The following VDAC1 variants were observed in gnomAD, a reference collection of about 807,000 sequenced individuals.
The protein encoded by VDAC1 is voltage dependent anion channel 1.
A neutral mutation model predicts 34.7 loss-of-function variants in VDAC1; 10 were observed. The ratio of observed to expected loss-of-function variants is 0.29; its 90% confidence interval spans 0.18 to 0.49. VDAC1 has a LOEUF of 0.49. VDAC1 is among the 20% of genes least tolerant of loss of function. The pLI, the probability that VDAC1 is intolerant of heterozygous loss-of-function variation, is 0.99. For synonymous variants in VDAC1, 130 were observed against 136.0 expected (o/e 0.96, Z 0.30); for missense variants, 230 against 347.9 (o/e 0.66, Z 2.69).
chr5:133,974,592 A>G (rs1173726465), intron 7 of VDAC1, among the ~76,000 whole-genome samples: 1 of 152,238 alleles, frequency 6.6e-6, no homozygotes, highest in Non-Finnish European at 1.5e-5. Context: ...TCCAGCTCCC[A>G]GCACTTTCCT....
upstream of VDAC1, among the ~76,000 whole-genome samples, chr5:134,006,082 T>A (rs752167144): frequency 2.6e-5 from 4 of 152,078 alleles, no homozygotes; most frequent in Non-Finnish European, 5.9e-5. Flanking sequence ...GGGCAGCTGA[T>A]ACAGAGTGGG....
At chr5:133,980,689 A>AACC in intron 6 of VDAC1, 40 bp downstream of exon 6, 26 of 564,042 alleles carry the variant, frequency 4.6e-5, no homozygotes, top group Non-Finnish European at 5.7e-5. Flanking sequence ...ACATGCTCCA[A>AACC]CCCCACCCCT....
chr5:134,065,337 ATTTTTTTTT>A, the VDAC1 span, among the ~76,000 whole-genome samples: 5 of 101,386 alleles, frequency 4.9e-5, 1 homozygote, highest in African/African-American at 1.9e-4. Flanking sequence ...TTTAATTTTA[ATTTTTTTTT>A]TTTTTTTTTT....
the VDAC1 span, among the ~76,000 whole-genome samples, chr5:134,052,184 T>C: frequency 2.6e-5 from 4 of 152,152 alleles, no homozygotes; most frequent in Non-Finnish European, 4.4e-5. Context: ...TTTCCTGGTT[T>C]TGCCCAGTTT....
At chr5:133,989,863 C>T (rs1274508628) in intron 5 of VDAC1, among the ~76,000 whole-genome samples, 4 of 152,042 alleles carry the variant, frequency 2.6e-5, no homozygotes, top group Non-Finnish European at 4.4e-5. Flanking sequence ...GGTTTCTCCA[C>T]GTTGGTCAGG....
the VDAC1 span, among the ~76,000 whole-genome samples, chr5:134,033,022 CA>C: frequency 6.9e-6 from 1 of 144,938 alleles, no homozygotes; most frequent in Non-Finnish European, 1.5e-5. Context: ...AGCCCCATCT[CA>C]AAAAAGGAGA....
chr5:134,016,944 G>A, the VDAC1 span, among the ~76,000 whole-genome samples: 7 of 152,218 alleles, frequency 4.6e-5, no homozygotes, highest in Non-Finnish European at 7.3e-5. Context: ...GGAAAGGGCT[G>A]TGTTTCTACT....
chr5:133,998,270 A>C (rs772597347), intron 1 of VDAC1, among the ~76,000 whole-genome samples: 1 of 152,208 alleles, frequency 6.6e-6, no homozygotes, highest in Admixed American at 6.5e-5. Context: ...CTGGAGAAGG[A>C]GGTTTAGGGA....
chr5:134,023,480 T>TAAAAAAAA, the VDAC1 span, among the ~76,000 whole-genome samples: 1 of 135,262 alleles, frequency 7.4e-6, no homozygotes. Context: ...GAACTTAAAG[T>TAAAAAAAA]AAAAAAAAAA....
chr5:134,098,710 G>A, the VDAC1 span, among the ~76,000 whole-genome samples: 2 of 152,202 alleles, frequency 1.3e-5, no homozygotes, highest in Admixed American at 1.3e-4. Flanking sequence ...CCTTGGGGCT[G>A]TCTGCAGCCT....
chr5:134,034,901 C>T, the VDAC1 span, among the ~76,000 whole-genome samples: 4 of 152,168 alleles, frequency 2.6e-5, no homozygotes, highest in Non-Finnish European at 5.9e-5. Flanking sequence ...CCTCTGACAA[C>T]TGATCGTAGG....
intron 1 of VDAC1, among the ~76,000 whole-genome samples, chr5:134,000,688 G>A (rs1753514792): frequency 8.5e-6 from 1 of 117,970 alleles, no homozygotes; most frequent in Non-Finnish European, 1.7e-5. Context: ...TTTTTCTTCA[G>A]CTCTAATATG....
At chr5:134,060,016 C>T in the VDAC1 span, among the ~76,000 whole-genome samples, 2 of 151,802 alleles carry the variant, frequency 1.3e-5, no homozygotes, top group African/African-American at 2.4e-5. Context: ...GCACCCTGCA[C>T]GCCCTCCAGG....
the VDAC1 span, among the ~76,000 whole-genome samples, chr5:134,057,418 T>C: frequency 2.0e-5 from 3 of 151,886 alleles, no homozygotes; most frequent in Middle Eastern, 6.8e-3. Context: ...AGGCGGAGGT[T>C]GCAGTGAGCC....
At position 133,997,707 on chromosome 5, in the gene VDAC1, CA is replaced by C. The variant is rs67591375; in HGVS notation, c.-6-4690del. Among the ~76,000 whole-genome samples the C allele has an allele frequency of 6.9e-3, 405 of 58,356 alleles. 1 individual carries two copies. The highest frequency in any genetic ancestry group is 0.025 in the African/African-American group (339 of 13,514). The allele number at this position is 58,356 out of a possible 152,430, so 38.3% of individuals were successfully genotyped here. On this transcript the variant is annotated intron_variant, in intron 1 of 8. Coordinates refer to ENST00000265333, the MANE Select transcript of VDAC1 (RefSeq NM_003374.3). ...TGGATGACAGAGCGAGACTGTCTCA[CA>C]AAAAAAAAAAAAAAAAAAAAAGAAT...
chr5:134,028,490 G>C, the VDAC1 span, among the ~76,000 whole-genome samples: 2 of 152,176 alleles, frequency 1.3e-5, no homozygotes, highest in African/African-American at 4.8e-5. Context: ...TAGGCTTGGT[G>C]ATCATCATTT....
At chr5:134,072,990 C>T in the VDAC1 span, among the ~76,000 whole-genome samples, 2 of 152,238 alleles carry the variant, frequency 1.3e-5, no homozygotes, top group South Asian at 2.1e-4. Context: ...TGGGGTGAGT[C>T]GCTCACTGCA....
the VDAC1 span, among the ~76,000 whole-genome samples, chr5:134,030,340 C>CA: frequency 2.9e-3 from 396 of 138,738 alleles, 2 homozygotes; most frequent in African/African-American, 8.4e-3. Context: ...AACTCCATCT[C>CA]AAAAAAAAAA....
chr5:134,087,603 C>G, the VDAC1 span, among the ~76,000 whole-genome samples: 1 of 152,238 alleles, frequency 6.6e-6, no homozygotes, highest in Non-Finnish European at 1.5e-5. Flanking sequence ...GCCTGTAATC[C>G]CAGCACTTTG....
Sources: allele counts gnomAD v4.1 joint callset (sites outside exome capture counted in the v4.1 genomes callset), GRCh38; gene constraint gnomAD v4.1.1; transcripts MANE v1.5; gene names NCBI Gene and HGNC (gene_info 2026-07-23, HGNC 2026-07-21).